The following ANKRD11 variants were observed in gnomAD, a reference collection of about 807,000 sequenced individuals.
The protein encoded by ANKRD11 is ankyrin repeat domain 11.
In ANKRD11, 17 loss-of-function variants were observed where a neutral mutation model predicts 195.7. That is an observed-to-expected ratio of 0.09 (90% CI 0.06 to 0.13). The LOEUF (loss-of-function observed/expected upper bound fraction) is 0.13, where lower values mean the gene tolerates loss of function less well. Ranked by LOEUF, ANKRD11 falls within the 10% of genes least tolerant of loss-of-function variation. The probability of loss-of-function intolerance (pLI) is 1.00; values close to 1 mark genes in which losing one functional copy is unlikely to be tolerated. For missense variants in ANKRD11, 3,735 were observed against 3,566.1 expected (o/e 1.05, Z -1.21); for synonymous variants, 1,953 against 1,528.1 (o/e 1.28, Z -6.49).
At position 89,281,985 on chromosome 16, in the gene ANKRD11, C is replaced by T; in HGVS notation, c.4557G>A (p.Arg1519=). ...CATCGCCGAGCCTCGGGCCCTCGTC[C>T]CTGGACTTGTCTTTGAGCACGCGGG... The part of the protein sequence containing the change: ...SPPRVLKDKS[R]DEGPRLGDAK... Residue 1519 remains arginine, a synonymous_variant, in exon 9 of 13, where the codon AGG becomes AGA. Coordinates refer to ENST00000301030, the MANE Select transcript of ANKRD11 (RefSeq NM_013275.6). This position sits in a 1 kb window ranked among gnomAD's most constrained non-coding sequence, Gnocchi z 5.5. 6.2e-7 allele frequency: 1 copy of T among 1,613,152 alleles called. No individual in the cohort carries two copies. Among genetic ancestry groups the T allele is most frequent in the Non-Finnish European group, 8.5e-7 (1 of 1,180,046 alleles).
chr16:89,396,624 G>A (rs1434264435), intron 2 of ANKRD11, among the ~76,000 whole-genome samples: 1 of 152,080 alleles, frequency 6.6e-6, no homozygotes, highest in Non-Finnish European at 1.5e-5. Context: ...TGTCTTCTAT[G>A]AAGCCACACA....
chr16:89,335,525 C>T (rs1275919280), intron 2 of ANKRD11, among the ~76,000 whole-genome samples: 1 of 152,168 alleles, frequency 6.6e-6, no homozygotes, highest in Non-Finnish European at 1.5e-5. Context: ...AACGCTATAC[C>T]ACTCCCATGA....
chr16:89,379,462 T>C (rs183563465), intron 2 of ANKRD11, among the ~76,000 whole-genome samples: 19 of 152,340 alleles, frequency 1.2e-4, no homozygotes, highest in South Asian at 6.2e-4. Context: ...AACCAGCTCA[T>C]GTAACTCTGC....
Position 89,479,699 on chromosome 16 carries a change from C to G in ANKRD11, c.-145+10546G>C, listed in dbSNP as rs757251947. Among the ~76,000 whole-genome samples the G allele has an allele frequency of 1.6e-3, 247 of 151,612 alleles. 2 individuals are homozygous for G. Among genetic ancestry groups the G allele is most frequent in the Non-Finnish European group, 6.5e-4 (44 of 67,972 alleles). ...GTGGCTCACACCTGTAATCCCAGCA[C>G]TTTGGGAGGCCGAGGGGGCGGATCA... On this transcript the variant is annotated intron_variant, in intron 1 of 12. Transcript: ENST00000301030.
At position 89,280,029 on chromosome 16, in the gene ANKRD11, G is replaced by A. The variant is rs757440179; in HGVS notation, c.6513C>T (p.Pro2171=). The part of the protein sequence containing the change: ...APPEEMPPGA[P]GVINGGDVST... ...AAACATCCCCACCGTTTATGACCCC[G>A]GGGGCCCCTGGAGGCATCTCTTCTG... is the stretch of plus-strand genomic sequence containing the variant. The change falls in exon 9 of 13, where the codon CCC becomes CCT. Residue 2171 remains proline (P), a synonymous_variant. Coordinates refer to ENST00000301030, the MANE Select transcript of ANKRD11 (RefSeq NM_013275.6). 1.1e-5 allele frequency: 18 copies of A among 1,612,566 alleles called. No individual in the cohort carries two copies. The highest frequency in any genetic ancestry group is 1.4e-5 in the Non-Finnish European group (16 of 1,179,916).
intron 2 of ANKRD11, chr16:89,396,054 G>C (rs1567746319): frequency 6.6e-6 from 1 of 152,176 alleles, no homozygotes; most frequent in African/African-American, 2.4e-5. Context: ...AGTACTGGCA[G>C]ATCATTTCTA....
intron 1 of ANKRD11, among the ~76,000 whole-genome samples, chr16:89,470,817 G>A (rs539954734): frequency 5.3e-5 from 8 of 151,854 alleles, no homozygotes; most frequent in South Asian, 2.1e-4. Flanking sequence ...GTGAAACCCC[G>A]TCTCTACTAA....
intron 2 of ANKRD11, among the ~76,000 whole-genome samples, chr16:89,318,415 A>G (rs1234155814): frequency 6.6e-6 from 1 of 152,230 alleles, no homozygotes; most frequent in Non-Finnish European, 1.5e-5. Flanking sequence ...ATACAAATGG[A>G]ACTGTGTGCA....
rs747643758 is a variant in ANKRD11, at chr16:89,433,929, T to C, written c.-144-15561A>G. ...CTACATCGACATCTGGTATTAACAT[T>C]TGATTGTTTAACCACACTATAAGGG... On this transcript the variant is annotated intron_variant, in intron 1 of 12. Coordinates refer to ENST00000301030, the MANE Select transcript of ANKRD11 (RefSeq NM_013275.6). Among the ~76,000 whole-genome samples the C allele has an allele frequency of 2.6e-4, 40 of 152,338 alleles. No homozygotes were observed. The Middle Eastern group carries it at 0.014, about 52-fold the overall frequency.
intron 2 of ANKRD11, among the ~76,000 whole-genome samples, chr16:89,327,228 A>G (rs2037784833): frequency 1.3e-5 from 2 of 152,202 alleles, no homozygotes; most frequent in Non-Finnish European, 2.9e-5. Context: ...ACACCACATA[A>G]TCACAACTGG....
intron 2 of ANKRD11, among the ~76,000 whole-genome samples, chr16:89,345,754 G>GCATGCTGTGCACACCAGGTA (rs994525713): frequency 8.5e-5 from 13 of 152,126 alleles, no homozygotes; most frequent in Non-Finnish European, 1.3e-4. Context: ...CACACCAGGT[G>GCATGCTGTGCACACCAGGTA]CATGCTGTGC....
chr16:89,399,831 G>A (rs993865344), intron 2 of ANKRD11, among the ~76,000 whole-genome samples: 4 of 152,130 alleles, frequency 2.6e-5, no homozygotes, highest in African/African-American at 9.7e-5. Flanking sequence ...TGACCATCCT[G>A]TCAGAAAGAC....
chr16:89,299,839 G>T, intron 4 of ANKRD11: 1 of 194,680 alleles, frequency 5.1e-6, no homozygotes, highest in South Asian at 4.8e-5. Flanking sequence ...TCTGTGCCCT[G>T]TGTGGGGTGC....
intron 1 of ANKRD11, among the ~76,000 whole-genome samples, chr16:89,461,512 T>A (rs1322097019): frequency 1.3e-5 from 2 of 152,098 alleles, no homozygotes; most frequent in Non-Finnish European, 2.9e-5. Flanking sequence ...TGGCTAACTT[T>A]TGTATTTTTT....
intron 2 of ANKRD11, among the ~76,000 whole-genome samples, chr16:89,387,449 G>C (rs957270478): frequency 1.3e-5 from 2 of 150,236 alleles, no homozygotes; most frequent in Non-Finnish European, 3.0e-5. Context: ...GAGGCGGGCA[G>C]ATCACGAGGT....
At chr16:89,447,330 C>A (rs74033794) in intron 1 of ANKRD11, among the ~76,000 whole-genome samples, 4,240 of 152,180 alleles carry the variant, frequency 0.028, 209 homozygotes, top group African/African-American at 0.097. Context: ...CACAAACACC[C>A]CAACACCCTT....
At chr16:89,473,936 A>G (rs1446914157) in intron 1 of ANKRD11, among the ~76,000 whole-genome samples, 5 of 152,230 alleles carry the variant, frequency 3.3e-5, no homozygotes. Flanking sequence ...CCATGACTAC[A>G]TTATGTTACG....
At chr16:89,372,929 T>C (rs2040257523) in intron 2 of ANKRD11, 1 of 152,034 alleles carries the variant, frequency 6.6e-6, no homozygotes, top group Non-Finnish European at 1.5e-5. Flanking sequence ...CCTCAGAGAG[T>C]ATCACCCACA....
chr16:89,351,110 C>T (rs2039195157), intron 2 of ANKRD11, among the ~76,000 whole-genome samples: 1 of 152,218 alleles, frequency 6.6e-6, no homozygotes, highest in Non-Finnish European at 1.5e-5. Flanking sequence ...CTCAAAGAAG[C>T]TCTCAGAGAG....
Sources: gnomAD v4.1 joint callset for allele counts (sites outside exome capture counted in the v4.1 genomes callset) on GRCh38, gnomAD v4.1.1 for gene constraint, Gnocchi (gnomAD v3.1) non-coding constraint, MANE v1.5 for transcripts, NCBI Gene and HGNC (gene_info 2026-07-23, HGNC 2026-07-21) for gene names.